Variants in CNTNAP5 observed in about 807,000 individuals in gnomAD.
CNTNAP5 encodes contactin associated protein family member 5, also known as contactin-associated protein-like 5.
Under a neutral mutation model 150.2 loss-of-function variants are expected in CNTNAP5, and 72 were observed. The observed-to-expected ratio is 0.48, with a 90% CI of 0.40 to 0.58. The LOEUF is 0.58. CNTNAP5 is among the 20% of genes least tolerant of loss of function. The probability of loss-of-function intolerance (pLI) is 0.00; values close to 1 mark genes in which losing one functional copy is unlikely to be tolerated. For missense variants in CNTNAP5, 1,636 were observed against 1,626.2 expected, an observed-to-expected ratio of 1.01 and a Z score of -0.10; for synonymous variants, 672 against 619.8, an observed-to-expected ratio of 1.08 and a Z score of -1.25.
intron 3 of CNTNAP5, among the ~76,000 whole-genome samples, chr2:124,361,943 G>C (rs912167492): frequency 1.1e-4 from 17 of 152,192 alleles, no homozygotes; most frequent in Non-Finnish European, 2.4e-4. Context: ...TCAGACTGCT[G>C]TGCTAGCAAT....
intron 1 of CNTNAP5, among the ~76,000 whole-genome samples, chr2:124,059,710 A>G (rs768385615): frequency 2.6e-5 from 4 of 151,986 alleles, no homozygotes; most frequent in Non-Finnish European, 4.4e-5. Context: ...TTTCCCTGGC[A>G]TGTTGCTGTC....
Position 124,365,180 on chromosome 2 carries a change from G to A in CNTNAP5, c.382-52263G>A, listed in dbSNP as rs1408180241. 2.0e-5 allele frequency among the ~76,000 whole-genome samples: 3 copies of A among 152,032 alleles called. 1 individual carries two copies. Among genetic ancestry groups the A allele is most frequent in the Admixed American group, 6.6e-5 (1 of 15,256 alleles). The stretch of plus-strand genomic sequence containing the variant: ...AAATGAAATAAATTAGCCGAGCATG[G>A]TGATGTGCAATTGTGGTCGCAGCTA... On this transcript the variant is annotated intron_variant, in intron 3 of 23. Transcript: ENST00000682447.
intron 1 of CNTNAP5, among the ~76,000 whole-genome samples, chr2:124,179,293 G>T (rs2104677252): frequency 6.6e-6 from 1 of 152,170 alleles, no homozygotes; most frequent in Non-Finnish European, 1.5e-5. Flanking sequence ...CTGAGTAGCT[G>T]GGATTACAGG....
At chr2:124,904,351 A>C (rs1397055724) in intron 22 of CNTNAP5, among the ~76,000 whole-genome samples, 1 of 152,152 alleles carries the variant, frequency 6.6e-6, no homozygotes, top group Non-Finnish European at 1.5e-5. Context: ...TGTATATGCC[A>C]CAATATCTTT....
At chr2:124,909,826 CATATATAT>C (rs368913883) in intron 22 of CNTNAP5, among the ~76,000 whole-genome samples, 3,620 of 74,628 alleles carry the variant, frequency 0.049, 131 homozygotes, top group Middle Eastern at 0.082. Context: ...CAATTGGTGA[CATATATAT>C]ATATATATAT....
At chr2:124,529,373 A>G (rs1558941454) in intron 10 of CNTNAP5, among the ~76,000 whole-genome samples, 1 of 152,194 alleles carries the variant, frequency 6.6e-6, no homozygotes. Flanking sequence ...ACTCTGCATC[A>G]TTAGTTTTGT....
intron 3 of CNTNAP5, among the ~76,000 whole-genome samples, chr2:124,327,749 C>A (rs991288749): frequency 2.0e-5 from 3 of 152,128 alleles, no homozygotes; most frequent in Non-Finnish European, 2.9e-5. Flanking sequence ...TCCTGCCCTT[C>A]CAGATCAAAC....
intron 4 of CNTNAP5, among the ~76,000 whole-genome samples, chr2:124,427,439 A>G (rs1400641906): frequency 1.3e-5 from 2 of 151,752 alleles, no homozygotes; most frequent in Admixed American, 1.3e-4. Flanking sequence ...ATATTATTTT[A>G]TTTTGTTTTT....
intron 14 of CNTNAP5, among the ~76,000 whole-genome samples, chr2:124,762,820 T>C (rs996536116): frequency 6.6e-6 from 1 of 152,100 alleles, no homozygotes; most frequent in African/African-American, 2.4e-5. Flanking sequence ...AGCTATCTAA[T>C]ATCTCTGAGC....
intron 8 of CNTNAP5, among the ~76,000 whole-genome samples, chr2:124,515,972 A>C (rs1194850323): frequency 6.6e-6 from 1 of 152,126 alleles, no homozygotes; most frequent in Admixed American, 6.6e-5. Flanking sequence ...AGGTAGTTGG[A>C]TCTAGCAAGG....
At chr2:124,911,411 C>A in intron 22 of CNTNAP5, 56 bp from the exon 23 acceptor site, 2 of 1,344,016 alleles carry the variant, frequency 1.5e-6, no homozygotes, top group Non-Finnish European at 1.0e-6. Flanking sequence ...ACACTGTAGG[C>A]TTCTTGCCAG....
intron 13 of CNTNAP5, among the ~76,000 whole-genome samples, chr2:124,667,466 C>T (rs1678724536): frequency 6.6e-6 from 1 of 152,244 alleles, no homozygotes; most frequent in African/African-American, 2.4e-5. Flanking sequence ...ATTGCACCTG[C>T]TCCTTGCCAT....
intron 13 of CNTNAP5, among the ~76,000 whole-genome samples, chr2:124,721,295 A>G (rs1458483719): frequency 1.3e-5 from 2 of 152,046 alleles, no homozygotes; most frequent in African/African-American, 2.4e-5. Context: ...CCTGACCAAC[A>G]TGGTGAAACC....
At chr2:124,325,981 T>A (rs905009948) in intron 3 of CNTNAP5, among the ~76,000 whole-genome samples, 4 of 152,184 alleles carry the variant, frequency 2.6e-5, no homozygotes, top group Non-Finnish European at 1.5e-5. Context: ...GGCTTAAGAT[T>A]TCAGCTCAGC....
At chr2:124,894,076 T>A (rs897453619) in intron 21 of CNTNAP5, among the ~76,000 whole-genome samples, 2 of 152,164 alleles carry the variant, frequency 1.3e-5, no homozygotes, top group Non-Finnish European at 2.9e-5. Context: ...CTTACATGTG[T>A]GTAACTGACT....
chr2:124,399,509 G>A, intron 3 of CNTNAP5, among the ~76,000 whole-genome samples: 1 of 152,036 alleles, frequency 6.6e-6, no homozygotes. Context: ...TGCTGGTGTA[G>A]ACGTTCATCC....
chr2:124,436,396 G>GT (rs1692532645), intron 5 of CNTNAP5, among the ~76,000 whole-genome samples: 1 of 152,048 alleles, frequency 6.6e-6, no homozygotes, highest in Non-Finnish European at 1.5e-5. Flanking sequence ...ATCAAATTGT[G>GT]TTTTTTATTT....
chr2:124,637,492 T>G (rs913358747), intron 12 of CNTNAP5, among the ~76,000 whole-genome samples: 1 of 152,184 alleles, frequency 6.6e-6, no homozygotes, highest in African/African-American at 2.4e-5. Flanking sequence ...TGGGGATGCT[T>G]CTCGCTATCA....
chr2:124,814,243 C>CTT (rs113061644), intron 19 of CNTNAP5, among the ~76,000 whole-genome samples: 3 of 143,368 alleles, frequency 2.1e-5, no homozygotes, highest in Non-Finnish European at 3.1e-5. Flanking sequence ...CTCGAATCCT[C>CTT]TTTTTTTTTT....
Sources: gnomAD v4.1 joint callset for allele counts (sites outside exome capture counted in the v4.1 genomes callset) on GRCh38, gnomAD v4.1.1 for gene constraint, MANE v1.5 for transcripts, NCBI Gene and HGNC (gene_info 2026-07-23, HGNC 2026-07-21) for gene names.